The following RYR3 variants were observed in gnomAD, a reference collection of about 807,000 sequenced individuals.
The protein encoded by RYR3 is brain ryanodine receptor-calcium release channel.
RYR3 carries 207 observed loss-of-function variants against 584.3 expected under a neutral mutation model. The observed-to-expected ratio is 0.35, with a 90% confidence interval of 0.32 to 0.40. The LOEUF is 0.40. Among genes scored for constraint, RYR3 ranks in the 10% least tolerant of loss-of-function variants. RYR3 has a pLI of 1.00. For synonymous variants in RYR3, 2,416 were observed against 2,248.5 expected (o/e 1.07, Z -2.11); for missense variants, 5,616 against 6,089.2 (o/e 0.92, Z 2.59).
Position 33,726,480 on chromosome 15 carries a change from C to G in RYR3, c.7007C>G (p.Pro2336Arg), listed in dbSNP as rs1434123396. Residue 2336 changes from proline to arginine, a missense_variant, in exon 46 of 104, where the codon CCC (proline) becomes CGC (arginine). Around this residue, in one of 9 missense-constraint regions of RYR3, gnomAD observed 1,280 missense variants for 1,426.2 expected, o/e 0.90. Coordinates refer to ENST00000634891, the MANE Select transcript of RYR3 (RefSeq NM_001036.6). Reference protein sequence around the residue: ...TEDLVGIISIPLKLPSLNKDG... With the variant: ...TEDLVGIISIRLKLPSLNKDG... ...GACCTGGTTGGGATCATCAGCATCC[C>G]CTTGAAACTGCCCTCCCTCAACAAA... The G allele has an allele frequency of 2.5e-6, 4 of 1,602,030 alleles. No individual in the cohort carries two copies. Among genetic ancestry groups the G allele is most frequent in the African/African-American group, 1.3e-5 (1 of 74,676 alleles).
At chr15:33,773,685 T>A in intron 64 of RYR3, 70 bp downstream of exon 64, 1 of 998,976 alleles carries the variant, frequency 1.0e-6, no homozygotes, top group Non-Finnish European at 1.6e-6. Context: ...TTTACACACT[T>A]AATGATATCA....
intron 60 of RYR3, 24 bp from the exon 61 acceptor site, chr15:33,768,634 G>A: frequency 1.2e-6 from 2 of 1,612,304 alleles, no homozygotes; most frequent in South Asian, 1.1e-5. Context: ...GTGACTTTCT[G>A]AATTGCTTTC....
intron 12 of RYR3, among the ~76,000 whole-genome samples, chr15:33,578,944 G>C (rs566798706): frequency 1.3e-5 from 2 of 152,186 alleles, no homozygotes; most frequent in Non-Finnish European, 2.9e-5. Flanking sequence ...AGGAGATGGG[G>C]AAATGAAGGG....
chr15:33,623,542 G>C (rs2060833446), intron 19 of RYR3, among the ~76,000 whole-genome samples: 1 of 152,094 alleles, frequency 6.6e-6, no homozygotes, highest in African/African-American at 2.4e-5. Flanking sequence ...GATAAACTTG[G>C]TTCTAAAAAC....
At position 33,444,021 on chromosome 15, in the gene RYR3, C is replaced by T. The variant is rs1309467968; in HGVS notation, c.52-29398C>T. On this transcript the variant is annotated intron_variant, in intron 1 of 103. Coordinates refer to ENST00000634891, the MANE Select transcript of RYR3 (RefSeq NM_001036.6). The stretch of plus-strand genomic sequence containing the variant: ...ATATTGGAGTGATAATTGCAAGATG[C>T]CCAGTGTGCCTGAAATGAATTTGAG... Among the ~76,000 whole-genome samples, 3 of 152,170 alleles carry T rather than the reference C, an allele frequency of 2.0e-5. No individual in the cohort carries two copies. The South Asian group carries it at 6.2e-4, about 32-fold the overall frequency.
At chr15:33,710,660 G>T (rs893846425) in intron 43 of RYR3, among the ~76,000 whole-genome samples, 3 of 152,146 alleles carry the variant, frequency 2.0e-5, no homozygotes, top group Non-Finnish European at 4.4e-5. Context: ...TCTGCCTGGG[G>T]ACCCAGGCTT....
chr15:33,454,416 C>T (rs757847293), intron 1 of RYR3, among the ~76,000 whole-genome samples: 2 of 152,120 alleles, frequency 1.3e-5, no homozygotes, highest in Non-Finnish European at 2.9e-5. Context: ...AGTATATTGG[C>T]GGTAACATGC....
At chr15:33,720,906 C>G (rs185797684) in intron 43 of RYR3, among the ~76,000 whole-genome samples, 9 of 152,184 alleles carry the variant, frequency 5.9e-5, no homozygotes, top group African/African-American at 1.4e-4. Context: ...CACAACACTT[C>G]TAAGTTGATT....
intron 43 of RYR3, among the ~76,000 whole-genome samples, chr15:33,715,635 A>G (rs1404228479): frequency 6.6e-6 from 1 of 152,190 alleles, no homozygotes; most frequent in Non-Finnish European, 1.5e-5. Context: ...TATTTCTCAC[A>G]GCTCTGAAGA....
intron 1 of RYR3, among the ~76,000 whole-genome samples, chr15:33,435,818 G>C (rs2045663989): frequency 6.6e-6 from 1 of 152,034 alleles, no homozygotes. Flanking sequence ...GCAGCAGCAA[G>C]ATTTATTATG....
chr15:33,324,056 C>A (rs535522518), intron 1 of RYR3, among the ~76,000 whole-genome samples: 5 of 152,210 alleles, frequency 3.3e-5, no homozygotes, highest in Non-Finnish European at 7.4e-5. Context: ...ACCCTTTGCC[C>A]AGACTTCTTT....
intron 1 of RYR3, among the ~76,000 whole-genome samples, chr15:33,434,673 C>T (rs939447913): frequency 6.6e-6 from 1 of 152,124 alleles, no homozygotes; most frequent in Non-Finnish European, 1.5e-5. Flanking sequence ...AGGGTATTAC[C>T]GATAACTGTG....
intron 52 of RYR3, among the ~76,000 whole-genome samples, 163 bp from the exon 53 acceptor site, chr15:33,745,905 C>A (rs72715116): frequency 0.015 from 2,357 of 152,314 alleles, 27 homozygotes; most frequent in Middle Eastern, 0.048. Context: ...AGGCGGAGAG[C>A]CTGATGGCCT....
At chr15:33,855,154 A>G (rs1469412061) in intron 98 of RYR3, among the ~76,000 whole-genome samples, 1 of 152,184 alleles carries the variant, frequency 6.6e-6, no homozygotes, top group African/African-American at 2.4e-5. Context: ...CATTTAGATC[A>G]ACCAGGAGAG....
chr15:33,862,632 A>G (rs750084407), intron 102 of RYR3, among the ~76,000 whole-genome samples: 4 of 151,870 alleles, frequency 2.6e-5, no homozygotes, highest in Non-Finnish European at 5.9e-5. Flanking sequence ...TTTTTTATTT[A>G]TTGAGACAGT....
chr15:33,848,121 T>C (rs1284683855), intron 93 of RYR3, among the ~76,000 whole-genome samples, 170 bp from the exon 94 acceptor site: 1 of 152,236 alleles, frequency 6.6e-6, no homozygotes, highest in Non-Finnish European at 1.5e-5. Context: ...AGGTAGGTAT[T>C]TAGCCAAAGA....
At chr15:33,724,415 A>G (rs1450507006) in intron 45 of RYR3, among the ~76,000 whole-genome samples, 2 of 152,168 alleles carry the variant, frequency 1.3e-5, no homozygotes, top group African/African-American at 4.8e-5. Context: ...CTAGTTGAGC[A>G]TGTCCTCTGC....
chr15:33,669,842 G>GT lies in RYR3; in HGVS notation c.5722+387dup, dbSNP rs879403628. Among the ~76,000 whole-genome samples, 9 of 20,410 alleles carry GT rather than the reference G, an allele frequency of 4.4e-4. 1 individual carries two copies. Among genetic ancestry groups the GT allele is most frequent in the East Asian group, 1.3e-3 (1 of 800 alleles). 13.4% of individuals were successfully genotyped at this position (20,410 alleles called of 152,430 possible). A position where few individuals can be genotyped will look rare whatever the true frequency, so the allele number is the denominator to read the frequency against. On this transcript the variant is annotated intron_variant, in intron 37 of 103. Coordinates refer to ENST00000634891, the MANE Select transcript of RYR3 (RefSeq NM_001036.6). ...TTTTAGCTATTAGGGGTGTGTGTGT[G>GT]TGGGGGGGGGGGGGGGTGTGGGTGT...
intron 1 of RYR3, among the ~76,000 whole-genome samples, chr15:33,391,764 A>G (rs1374372630): frequency 6.6e-6 from 1 of 152,076 alleles, no homozygotes; most frequent in Non-Finnish European, 1.5e-5. Flanking sequence ...CCATTTCTTT[A>G]GGGTTCTTTG....
Sources: allele counts gnomAD v4.1 joint callset (sites outside exome capture counted in the v4.1 genomes callset), GRCh38; gene constraint gnomAD v4.1.1; regional missense constraint gnomAD v4.1.1; transcripts MANE v1.5; gene names NCBI Gene and HGNC (gene_info 2026-07-23, HGNC 2026-07-21).